SCN8A: variants seen among roughly 807,000 people sequenced by gnomAD.
SCN8A encodes the protein sodium voltage-gated channel alpha subunit 8.
SCN8A carries 30 observed loss-of-function variants against 184.1 expected under a neutral mutation model. The observed-to-expected ratio is 0.16, with a 90% CI of 0.12 to 0.22. The LOEUF (loss-of-function observed/expected upper bound fraction) is 0.22, where lower values mean the gene tolerates loss of function less well. Ranked by LOEUF, SCN8A falls within the 10% of genes least tolerant of loss-of-function variation. SCN8A has a pLI of 1.00. For missense variants in SCN8A, 1,057 were observed against 2,498.9 expected (o/e 0.42, Z 12.30); for synonymous variants, 852 against 907.0 (o/e 0.94, Z 1.09).
chr12:51,621,754 C>T (rs558578102), intron 1 of SCN8A, among the ~76,000 whole-genome samples: 31 of 152,228 alleles, frequency 2.0e-4, no homozygotes, highest in Admixed American at 5.2e-4. Context: ...AGACCAGACA[C>T]GATGAGCATC....
At chr12:51,638,221 A>G (rs928964624) in intron 1 of SCN8A, among the ~76,000 whole-genome samples, 6 of 152,112 alleles carry the variant, frequency 3.9e-5, no homozygotes, top group Non-Finnish European at 7.3e-5. Flanking sequence ...ATACAAGGAG[A>G]TTAATGTTGT....
chr12:51,721,993 C>T, intron 12 of SCN8A, 85 bp downstream of exon 12: 3 of 1,582,314 alleles, frequency 1.9e-6, no homozygotes, highest in Non-Finnish European at 2.6e-6. Context: ...CTCCCCCGCT[C>T]CTTCCCCTCC....
At chr12:51,609,996 TAAATA>T (rs919276579) in intron 1 of SCN8A, among the ~76,000 whole-genome samples, 3 of 150,692 alleles carry the variant, frequency 2.0e-5, no homozygotes, top group African/African-American at 7.3e-5. Context: ...TAAAATAAAA[TAAATA>T]AAAAATAAAA....
intron 16 of SCN8A, 21 bp downstream of exon 16, chr12:51,766,048 A>AT: frequency 6.3e-7 from 1 of 1,593,328 alleles, no homozygotes; most frequent in South Asian, 1.1e-5. Flanking sequence ...ATTTGTAGAT[A>AT]TTTTTGTTCT....
intron 12 of SCN8A, among the ~76,000 whole-genome samples, chr12:51,740,728 T>C (rs1019453814): frequency 5.9e-5 from 9 of 152,206 alleles, no homozygotes; most frequent in African/African-American, 2.2e-4. Flanking sequence ...ATTTTCTGTC[T>C]GGGAGATCTG....
chr12:51,617,421 G>A (rs917633884), intron 1 of SCN8A, among the ~76,000 whole-genome samples: 6 of 151,780 alleles, frequency 4.0e-5, no homozygotes, highest in African/African-American at 1.5e-4. Flanking sequence ...TTCTGTTATT[G>A]TGTTTTCTAA....
intron 12 of SCN8A, 194 bp downstream of exon 12, chr12:51,722,102 C>G (rs1942078809): frequency 2.4e-6 from 2 of 835,442 alleles, no homozygotes; most frequent in Non-Finnish European, 1.8e-6. Context: ...TTCTATTTCT[C>G]TCTTCAGTTT....
chr12:51,699,076 C>G (rs1439172266), intron 6 of SCN8A, among the ~76,000 whole-genome samples: 2 of 152,208 alleles, frequency 1.3e-5, no homozygotes, highest in Non-Finnish European at 2.9e-5. Context: ...GTATAAGATG[C>G]TACTGAAACA....
Position 51,647,216 on chromosome 12 carries a change from G to A in SCN8A, c.-54-15548G>A, listed in dbSNP as rs114002000. Among the ~76,000 whole-genome samples, 847 of 152,274 alleles carry A rather than the reference G, an allele frequency of 5.6e-3. 4 individuals carry two copies. The highest frequency in any genetic ancestry group is 0.019 in the African/African-American group (786 of 41,548). ...AAAAAAATATCCAAGTACTCAAAGT[G>A]TAAGTGCTTCACAAGTATCTCCTGA... is the stretch of plus-strand genomic sequence containing the variant. On this transcript the variant is annotated intron_variant, in intron 1 of 26. Coordinates refer to ENST00000627620, the MANE Select transcript of SCN8A (RefSeq NM_001330260.2).
chr12:51,703,065 A>G (rs1941718986), intron 9 of SCN8A, among the ~76,000 whole-genome samples, 151 bp downstream of exon 9: 1 of 152,102 alleles, frequency 6.6e-6, no homozygotes, highest in Non-Finnish European at 1.5e-5. Flanking sequence ...TATTAAGTGA[A>G]TTCTCTCAGT....
intron 8 of SCN8A, 137 bp from the exon 9 acceptor site, chr12:51,702,622 TTTTCTTCTAATTTG>T (rs1727516282): frequency 3.3e-6 from 2 of 610,276 alleles, no homozygotes; most frequent in South Asian, 6.2e-5. Context: ...TCCTTCTTCT[TTTTCTTCTAATTTG>T]TTGGCCTGGC....
chr12:51,706,619 G>C lies in SCN8A; in HGVS notation c.1539G>C (p.Glu513Asp). ...LSEGEEKGDP[E>D]KVFKSESEDG... ...AAGGAGAGGAGAAAGGGGATCCCGA[G>C]AAGGTGTTTAAGTCAGAGTCAGAAG... The change falls in exon 11 of 27, where the codon GAG becomes GAC. Residue 513 changes from glutamate (E) to aspartate (D), a missense_variant. This residue lies in a region of SCN8A where 322 missense variants were observed against 390.1 expected (regional missense o/e 0.83). Transcript: ENST00000627620. The C allele has an allele frequency of 6.2e-7, 1 of 1,609,278 alleles. No individual in the cohort carries two copies. The highest frequency in any genetic ancestry group is 8.5e-7 in the Non-Finnish European group (1 of 1,177,568).
chr12:51,608,519 A>C (rs1480883045), intron 1 of SCN8A, among the ~76,000 whole-genome samples: 1 of 151,966 alleles, frequency 6.6e-6, no homozygotes. Context: ...TTTCTAGTTT[A>C]TGTGCGTAAA....
chr12:51,640,715 A>G (rs1029542649), intron 1 of SCN8A, among the ~76,000 whole-genome samples: 8 of 152,134 alleles, frequency 5.3e-5, no homozygotes, highest in African/African-American at 1.9e-4. Flanking sequence ...TTCTGAGGAG[A>G]AAGGAGCCAT....
At chr12:51,708,964 A>T (rs1261298382) in intron 11 of SCN8A, among the ~76,000 whole-genome samples, 1 of 152,210 alleles carries the variant, frequency 6.6e-6, no homozygotes, top group Admixed American at 6.5e-5. Flanking sequence ...TACACTAAAA[A>T]ATTATGTAGT....
At chr12:51,752,712 G>A (rs2138840756) in intron 14 of SCN8A, among the ~76,000 whole-genome samples, 1 of 152,310 alleles carries the variant, frequency 6.6e-6, no homozygotes, top group Non-Finnish European at 1.5e-5. Context: ...GACTGTCCAA[G>A]AAGTCTGCTG....
At chr12:51,671,990 C>T (rs1941139837) in intron 2 of SCN8A, among the ~76,000 whole-genome samples, 2 of 152,182 alleles carry the variant, frequency 1.3e-5, no homozygotes, top group Admixed American at 6.5e-5. Flanking sequence ...TGTTCAAGAC[C>T]AATCCCTCAC....
intron 11 of SCN8A, among the ~76,000 whole-genome samples, chr12:51,711,225 G>A (rs182456951): frequency 2.0e-5 from 3 of 152,300 alleles, no homozygotes; most frequent in Non-Finnish European, 2.9e-5. Flanking sequence ...TTATTCTATA[G>A]GCTTTAGTAC....
chr12:51,721,081 T>TATATATATATA (rs1383248501), intron 11 of SCN8A, among the ~76,000 whole-genome samples: 3 of 86,816 alleles, frequency 3.5e-5, no homozygotes, highest in African/African-American at 1.4e-4. Flanking sequence ...AAAAAAAAAA[T>TATATATATATA]TATATATATA....
Sources: gnomAD v4.1 joint callset for allele counts (sites outside exome capture counted in the v4.1 genomes callset) on GRCh38, gnomAD v4.1.1 for gene constraint, gnomAD v4.1.1 regional missense constraint, MANE v1.5 for transcripts, NCBI Gene and HGNC (gene_info 2026-07-23, HGNC 2026-07-21) for gene names.